The following TSPAN9 variants were observed in gnomAD, a reference collection of about 807,000 sequenced individuals.
The protein encoded by TSPAN9 is tetraspanin 9.
Under a neutral mutation model 31.0 loss-of-function variants are expected in TSPAN9, and 16 were observed. The ratio of observed to expected loss-of-function variants is 0.52; its 90% CI spans 0.35 to 0.78. The LOEUF is 0.78. TSPAN9 is among the 30% of genes least tolerant of loss of function. The pLI is 0.01. For synonymous variants in TSPAN9, 145 were observed against 121.6 expected, an observed-to-expected ratio of 1.19 and a Z score of -1.27; for missense variants, 272 against 312.5, an observed-to-expected ratio of 0.87 and a Z score of 0.98.
At chr12:3,256,498 A>G (rs544196251) in intron 3 of TSPAN9, among the ~76,000 whole-genome samples, 3 of 152,308 alleles carry the variant, frequency 2.0e-5, no homozygotes, top group African/African-American at 7.2e-5. Context: ...GGTTATAAAT[A>G]GCGGATGACG....
At chr12:3,114,422 C>A (rs1459253649) in intron 2 of TSPAN9, among the ~76,000 whole-genome samples, 2 of 152,172 alleles carry the variant, frequency 1.3e-5, no homozygotes, top group Admixed American at 1.3e-4. Context: ...TCATGTAGGG[C>A]AGTGCGTGGT....
rs148182374 is a variant in TSPAN9, at chr12:3,139,917, G to A, written c.-18+56198G>A. Among the ~76,000 whole-genome samples the A allele has an allele frequency of 1.9e-3, 288 of 152,318 alleles. 3 individuals carry two copies. The highest frequency in any genetic ancestry group is 6.2e-3 in the African/African-American group (257 of 41,576). ...CCTGCAGCTGACCGTCAGGGGCTCA[G>A]GCCGTTGCACCCACGTGGCCTCCCC... On this transcript the variant is annotated intron_variant, in intron 2 of 8. Transcript: ENST00000011898.
intron 3 of TSPAN9, among the ~76,000 whole-genome samples, chr12:3,247,813 A>G (rs182369286): frequency 2.6e-5 from 4 of 151,986 alleles, no homozygotes; most frequent in Non-Finnish European, 5.9e-5. Context: ...CCCCTGGGCT[A>G]TTTGTTTCCC....
chr12:3,109,045 C>G (rs1565578680), intron 2 of TSPAN9, among the ~76,000 whole-genome samples: 1 of 152,016 alleles, frequency 6.6e-6, no homozygotes, highest in Non-Finnish European at 1.5e-5. Context: ...ACACCATTCT[C>G]CTGTCTCAGC....
chr12:3,278,054 T>TG (rs1292981104), intron 3 of TSPAN9, among the ~76,000 whole-genome samples: 2 of 152,252 alleles, frequency 1.3e-5, no homozygotes, highest in Non-Finnish European at 2.9e-5. Flanking sequence ...TCTTGGACAC[T>TG]GGGGCCTCTT....
At chr12:3,134,946 C>A (rs866472833) in intron 2 of TSPAN9, among the ~76,000 whole-genome samples, 1 of 152,050 alleles carries the variant, frequency 6.6e-6, no homozygotes, top group African/African-American at 2.4e-5. Context: ...GCATGGCAAA[C>A]GCAGGGGCTG....
At chr12:3,166,160 C>A (rs769584824) in intron 2 of TSPAN9, among the ~76,000 whole-genome samples, 1 of 152,052 alleles carries the variant, frequency 6.6e-6, no homozygotes, top group Non-Finnish European at 1.5e-5. Flanking sequence ...GGGAAAGACA[C>A]AGAATTCTAA....
chr12:3,245,576 G>A (rs568078072), intron 3 of TSPAN9, among the ~76,000 whole-genome samples: 1 of 152,264 alleles, frequency 6.6e-6, no homozygotes, highest in Admixed American at 6.5e-5. Flanking sequence ...TGAGGAGGGA[G>A]AAGCCTGCCT....
intron 2 of TSPAN9, among the ~76,000 whole-genome samples, chr12:3,106,095 C>G (rs1398788181): frequency 1.3e-5 from 2 of 151,560 alleles, no homozygotes; most frequent in Non-Finnish European, 2.9e-5. Flanking sequence ...TGCGCGCACG[C>G]ACACACACAC....
Position 3,170,410 on chromosome 12 carries a change from A to G in TSPAN9, c.-17-30767A>G, listed in dbSNP as rs1035600929. On this transcript the variant is annotated intron_variant, in intron 2 of 8. Transcript: ENST00000011898. The surrounding 1 kb of genome is among the most constrained non-coding windows in gnomAD (Gnocchi z 4.4). ...GATAGCATGTAGCATAGGATTCCAC[A>G]TGTAATATACATCTGTGGGAAGAAA... Among the ~76,000 whole-genome samples the G allele has an allele frequency of 6.6e-6, 1 of 152,256 alleles. No homozygotes were observed. Among genetic ancestry groups the G allele is most frequent in the Admixed American group, 6.5e-5 (1 of 15,286 alleles).
rs187173240 is a variant in TSPAN9 at position 3,190,874 on chromosome 12, G to A, written c.-17-10303G>A. On this transcript the variant is annotated intron_variant, in intron 2 of 8. Transcript: ENST00000011898. The stretch of plus-strand genomic sequence containing the variant: ...AGCAGTGACTTTAGAGCACCAGTGT[G>A]CTAGACAAATGCCAAGTGCTTAGAA... Among the ~76,000 whole-genome samples, 336 of 152,348 alleles carry A rather than the reference G, an allele frequency of 2.2e-3. 3 individuals are homozygous for A. The highest frequency in any genetic ancestry group is 1.9e-3 in the Non-Finnish European group (128 of 68,040).
At chr12:3,149,836 G>A (rs1003375835) in intron 2 of TSPAN9, 4 of 152,228 alleles carry the variant, frequency 2.6e-5, no homozygotes, top group Admixed American at 2.0e-4. Flanking sequence ...GCTGTATTTC[G>A]AAAAGCTTCC....
At chr12:3,080,294 C>T (rs12579107) in intron 1 of TSPAN9, among the ~76,000 whole-genome samples, 37,546 of 152,062 alleles carry the variant, frequency 0.25, 5,275 homozygotes, top group South Asian at 0.38. Context: ...ATAAAAAATT[C>T]TAAAATTGTG....
rs11062552 is a variant in TSPAN9, at chr12:3,181,174, C to T, written c.-17-20003C>T. Among the ~76,000 whole-genome samples the T allele has an allele frequency of 4.1e-3, 629 of 152,124 alleles. 3 individuals carry two copies. Among genetic ancestry groups the T allele is most frequent in the Middle Eastern group, 0.01 (3 of 294 alleles). On this transcript the variant is annotated intron_variant, in intron 2 of 8. Coordinates refer to ENST00000011898, the MANE Select transcript of TSPAN9 (RefSeq NM_006675.5). The stretch of plus-strand genomic sequence containing the variant: ...GGAATTAGGCCTCTGCTTTACTACT[C>T]CAGAGGGGAAGACTAATTGCATTAG...
At chr12:3,161,221 C>CA (rs34492632) in intron 2 of TSPAN9, among the ~76,000 whole-genome samples, 45,750 of 148,504 alleles carry the variant, frequency 0.31, 8,308 homozygotes, top group South Asian at 0.51. Flanking sequence ...AACTCGGTCT[C>CA]AAAAAAAAAA....
At chr12:3,089,187 G>C (rs1338896524) in intron 2 of TSPAN9, among the ~76,000 whole-genome samples, 1 of 149,430 alleles carries the variant, frequency 6.7e-6, no homozygotes, top group Admixed American at 6.6e-5. Context: ...AGCTGAGATC[G>C]CGCCACTGCA....
In TSPAN9 at chr12:3,143,210, C is replaced by T. The variant is rs2098335668; in HGVS notation, c.-17-57967C>T. Among the ~76,000 whole-genome samples, 3 of 149,270 alleles carry T rather than the reference C, an allele frequency of 2.0e-5. No homozygotes were observed. Among genetic ancestry groups the T allele is most frequent in the Admixed American group, 2.0e-4 (3 of 15,092 alleles). ...GAAGGTGATGTCTGCCAGGTATCTC[C>T]CGTATATAAAGTGGCCCCTTTTTCT... On this transcript the variant is annotated intron_variant, in intron 2 of 8. Coordinates refer to ENST00000011898, the MANE Select transcript of TSPAN9 (RefSeq NM_006675.5). The surrounding 1 kb of genome is among the most constrained non-coding windows in gnomAD (Gnocchi z 4.2).
At position 3,168,890 on chromosome 12, in the gene TSPAN9, C is replaced by T. The variant is rs1398907401; in HGVS notation, c.-17-32287C>T. Among the ~76,000 whole-genome samples the T allele has an allele frequency of 6.6e-6, 1 of 152,168 alleles. No homozygotes were observed. Among genetic ancestry groups the T allele is most frequent in the East Asian group, 1.9e-4 (1 of 5,188 alleles). On this transcript the variant is annotated intron_variant, in intron 2 of 8. Coordinates refer to ENST00000011898, the MANE Select transcript of TSPAN9 (RefSeq NM_006675.5). This position sits in a 1 kb window ranked among gnomAD's most constrained non-coding sequence, Gnocchi z 4.0. ...GTGTGGGCGTGCAGATGGATGAGCT[C>T]AGGTTTGGACGTGACTCAGAAGGAA...
intron 3 of TSPAN9, among the ~76,000 whole-genome samples, chr12:3,261,692 A>G (rs1418831727): frequency 1.3e-5 from 2 of 152,204 alleles, no homozygotes; most frequent in Non-Finnish European, 2.9e-5. Flanking sequence ...TTTGAGAAGC[A>G]ACGTGGGCAC....
Sources: allele counts gnomAD v4.1 joint callset (sites outside exome capture counted in the v4.1 genomes callset), GRCh38; gene constraint gnomAD v4.1.1; non-coding constraint Gnocchi (gnomAD v3.1); transcripts MANE v1.5; gene names NCBI Gene and HGNC (gene_info 2026-07-23, HGNC 2026-07-21).